The following MSH3 variants were observed in gnomAD, a reference collection of about 807,000 sequenced individuals.
The protein encoded by MSH3 is mutS homolog 3.
MSH3 carries 106 observed loss-of-function variants against 123.3 expected under a neutral mutation model. The ratio of observed to expected loss-of-function variants is 0.86; its 90% CI spans 0.73 to 1.01. MSH3 has a LOEUF of 1.01. Among genes scored for constraint, MSH3 ranks in the 50% least tolerant of loss-of-function variants. The pLI, the probability that MSH3 is intolerant of heterozygous loss-of-function variation, is 0.00. For missense variants in MSH3, 1,459 were observed against 1,347.6 expected (o/e 1.08, Z -1.29); for synonymous variants, 515 against 481.4 (o/e 1.07, Z -0.91).
In MSH3 at chr5:80,698,886, C is replaced by G. The variant is rs543968129; in HGVS notation, c.1340+19793C>G. Among the ~76,000 whole-genome samples, 13 of 152,172 alleles carry G rather than the reference C, an allele frequency of 8.5e-5. No homozygotes were observed. In the South Asian group the frequency reaches 2.7e-3, roughly 32 times the overall value. ...TAATGGGTGCAGCATACCAACATGG[C>G]ACATGTATACATATGTAACAAACCT... On this transcript the variant is annotated intron_variant, in intron 8 of 23. Coordinates refer to ENST00000265081, the MANE Select transcript of MSH3 (RefSeq NM_002439.5).
chr5:80,785,873 C>T (rs1456033686), intron 17 of MSH3, among the ~76,000 whole-genome samples: 1 of 151,802 alleles, frequency 6.6e-6, no homozygotes, highest in Non-Finnish European at 1.5e-5. Context: ...TCATCCTTCT[C>T]AGTAAACTAT....
intron 10 of MSH3, among the ~76,000 whole-genome samples, chr5:80,729,875 C>T (rs1561458327): frequency 6.6e-6 from 1 of 152,086 alleles, no homozygotes; most frequent in Admixed American, 6.6e-5. Flanking sequence ...TTATATTGAT[C>T]CAGGGTGCAT....
intron 20 of MSH3, among the ~76,000 whole-genome samples, chr5:80,832,275 G>A (rs895415019): frequency 5.3e-5 from 8 of 152,080 alleles, no homozygotes; most frequent in African/African-American, 1.9e-4. Context: ...GGAGAGTAAA[G>A]AGTTACTCTT....
intron 8 of MSH3, among the ~76,000 whole-genome samples, chr5:80,711,396 C>G (rs964805855): frequency 9.2e-5 from 14 of 152,146 alleles, no homozygotes; most frequent in Admixed American, 7.9e-4. Context: ...TGGCTAAGGC[C>G]CTTTCGCCTC....
At chr5:80,856,459 C>G (rs1472098720) in intron 21 of MSH3, among the ~76,000 whole-genome samples, 1 of 147,918 alleles carries the variant, frequency 6.8e-6, no homozygotes, top group Non-Finnish European at 1.5e-5. Flanking sequence ...GGACAAAAAA[C>G]CAAACACCGC....
In MSH3 at chr5:80,808,861, A is replaced by ATCTATATATATATCTATATATATATC. The variant is rs1744949520; in HGVS notation, c.2656-4722_2656-4721insCTATATATATATCTATATATATATCT. ...ACTTTGGGTAATATATCTTCTTCATATATATATATATATATATATATACAC... is the reference window on the plus strand; with the variant it reads ...ACTTTGGGTAATATATCTTCTTCATATCTATATATATATCTATATATATATCTATATATATATATATATATATACAC... On this transcript the variant is annotated intron_variant, in intron 19 of 23. Coordinates refer to ENST00000265081, the MANE Select transcript of MSH3 (RefSeq NM_002439.5). Among the ~76,000 whole-genome samples, 5 of 102,994 alleles carry ATCTATATATATATCTATATATATATC rather than the reference A, an allele frequency of 4.9e-5. No homozygotes were observed. The East Asian group carries it at 1.2e-3, about 24-fold the overall frequency. 67.6% of individuals were successfully genotyped at this position (102,994 alleles called of 152,430 possible).
chr5:80,714,883 A>C (rs149907005), intron 8 of MSH3, among the ~76,000 whole-genome samples: 9 of 152,322 alleles, frequency 5.9e-5, no homozygotes, highest in Non-Finnish European at 1.3e-4. Flanking sequence ...AATTGATAAG[A>C]ACTTTGCAGT....
intron 10 of MSH3, among the ~76,000 whole-genome samples, chr5:80,735,381 CAA>C (rs58588808): frequency 0.014 from 864 of 59,614 alleles, 3 homozygotes; most frequent in African/African-American, 0.02. Flanking sequence ...GACTTCATCT[CAA>C]AAAAAAAAAA....
chr5:80,755,494 G>A (rs887006609), intron 12 of MSH3, among the ~76,000 whole-genome samples: 2 of 152,010 alleles, frequency 1.3e-5, no homozygotes, highest in South Asian at 2.1e-4. Flanking sequence ...TCCAAATATC[G>A]GTCTTCAAAA....
At position 80,665,215 on chromosome 5, in the gene MSH3, C is replaced by T. The variant is rs966254697; in HGVS notation, c.431C>T (p.Ser144Phe). 9 of 1,614,020 alleles carry T rather than the reference C, an allele frequency of 5.6e-6. No homozygotes were observed. The African/African-American group carries it at 1.1e-4, about 19-fold the overall frequency. Residue 144 changes from serine (S) to phenylalanine (F), a missense_variant, in exon 3 of 24, where the codon TCT becomes TTT. Transcript: ENST00000265081. ...LEKLKEFCCD[S>F]ALPQSRVQTE... ...AAATTGAAAGAATTCTGCTGCGATT[C>T]TGCCCTTCCTCAAAGTAGAGTCCAG...
intron 11 of MSH3, among the ~76,000 whole-genome samples, chr5:80,744,014 G>A (rs554632344): frequency 1.5e-4 from 23 of 152,010 alleles, no homozygotes; most frequent in Non-Finnish European, 1.2e-4. Context: ...AGTGGCAAAA[G>A]CAAACTTTTC....
rs769417932 is a variant in MSH3, at chr5:80,767,940, C to T, written c.1904C>T (p.Thr635Ile). 1 of 1,606,686 alleles carries T rather than the reference C, an allele frequency of 6.2e-7. No homozygotes were observed. The highest frequency in any genetic ancestry group is 1.7e-5 in the Admixed American group (1 of 59,988). ...LCSIYHKKCS[T>I]QEFFLIVKTL... The stretch of plus-strand genomic sequence containing the variant: ...AAATATTTCTATTTTCAGTGTTCTA[C>T]CCAAGAGTTCTTCTTGATTGTCAAA... The change falls in exon 14 of 24, where the codon ACC becomes ATC. Residue 635 changes from threonine (T) to isoleucine (I), a missense_variant. Coordinates refer to ENST00000265081, the MANE Select transcript of MSH3 (RefSeq NM_002439.5).
chr5:80,854,025 T>C (rs571871354), intron 20 of MSH3, 105 bp from the exon 21 acceptor site: 295 of 953,710 alleles, frequency 3.1e-4, no homozygotes, highest in Non-Finnish European at 4.6e-4. Context: ...GCTCAAAATA[T>C]ATAGATTCTT....
intron 15 of MSH3, 113 bp from the exon 16 acceptor site, chr5:80,775,581 T>C: frequency 1.5e-6 from 1 of 672,874 alleles, no homozygotes; most frequent in Non-Finnish European, 2.6e-6. Flanking sequence ...AATACTGGAC[T>C]TATCTTGAGT....
chr5:80,750,520 A>G (rs1190703898), intron 12 of MSH3, among the ~76,000 whole-genome samples: 2 of 149,104 alleles, frequency 1.3e-5, no homozygotes, highest in East Asian at 3.9e-4. Context: ...GGCCATTTGT[A>G]TATCTTTTGG....
At chr5:80,843,762 A>G (rs1378033084) in intron 20 of MSH3, among the ~76,000 whole-genome samples, 1 of 151,952 alleles carries the variant, frequency 6.6e-6, no homozygotes, top group Non-Finnish European at 1.5e-5. Context: ...CCCCTTTATC[A>G]TTTTTTATTG....
At chr5:80,762,860 T>C (rs918637940) in intron 13 of MSH3, among the ~76,000 whole-genome samples, 1 of 141,278 alleles carries the variant, frequency 7.1e-6, no homozygotes, top group African/African-American at 2.6e-5. Context: ...TTTATTTTAT[T>C]TTTGAGACAG....
At chr5:80,836,673 A>G (rs1745520919) in intron 20 of MSH3, among the ~76,000 whole-genome samples, 1 of 151,900 alleles carries the variant, frequency 6.6e-6, no homozygotes, top group South Asian at 2.1e-4. Flanking sequence ...GGATATTTGC[A>G]TATAACCTGT....
chr5:80,787,624 A>C lies in MSH3; in HGVS notation c.2495A>C (p.Asp832Ala). Residue 832 changes from aspartate to alanine, a missense_variant, in exon 18 of 24, where the codon GAC (aspartate) becomes GCC (alanine). Transcript: ENST00000265081. ...GCAGTGCATCACCTAGCAACTGTTG[A>C]CTGCATTTTCTCCCTGGCCAAGGTC... ...CKAVHHLATV[D>A]CIFSLAKVAK... The C allele has an allele frequency of 6.2e-7, 1 of 1,613,982 alleles. No individual in the cohort carries two copies. The highest frequency in any genetic ancestry group is 8.5e-7 in the Non-Finnish European group (1 of 1,179,902).
Sources: gnomAD v4.1 joint callset for allele counts (sites outside exome capture counted in the v4.1 genomes callset) on GRCh38, gnomAD v4.1.1 for gene constraint, MANE v1.5 for transcripts, NCBI Gene and HGNC (gene_info 2026-07-23, HGNC 2026-07-21) for gene names.